RBFOX1: variants seen among roughly 807,000 people sequenced by gnomAD.
RBFOX1 encodes RNA binding fox-1 homolog 1, also known as RNA binding protein fox-1 homolog 1.
RBFOX1 carries 8 observed loss-of-function variants against 57.7 expected under a neutral mutation model. That is an observed-to-expected ratio of 0.14 (90% CI 0.08 to 0.25). The LOEUF is 0.25. RBFOX1 is among the 10% of genes least tolerant of loss of function. The pLI, the probability that RBFOX1 is intolerant of heterozygous loss-of-function variation, is 1.00. For synonymous variants in RBFOX1, 326 were observed against 222.4 expected (o/e 1.47, Z -4.15); for missense variants, 611 against 548.5 (o/e 1.11, Z -1.14).
intron 1 of RBFOX1, among the ~76,000 whole-genome samples, chr16:5,449,972 T>C (rs1473241591): frequency 6.6e-6 from 1 of 152,174 alleles, no homozygotes; most frequent in East Asian, 1.9e-4. Flanking sequence ...TCTACATGCA[T>C]TTAGTGGTGT....
At chr16:6,957,395 C>T (rs143262849) in intron 3 of RBFOX1, among the ~76,000 whole-genome samples, 37 of 147,292 alleles carry the variant, frequency 2.5e-4, no homozygotes, top group Admixed American at 2.7e-4. Context: ...TGCTGCGACT[C>T]ACGCTCAGCC....
At chr16:6,005,843 A>G (rs565093549) in intron 4 of RBFOX1, among the ~76,000 whole-genome samples, 14 of 152,328 alleles carry the variant, frequency 9.2e-5, no homozygotes, top group Admixed American at 2.6e-4. Context: ...TGAGTCAGGT[A>G]TATGGCTCAA....
chr16:6,719,189 C>G (rs8057381), intron 3 of RBFOX1, among the ~76,000 whole-genome samples: 14,722 of 151,866 alleles, frequency 0.097, 1,041 homozygotes, highest in African/African-American at 0.2. Flanking sequence ...TATTTCTATG[C>G]AAAAATGCTA....
At chr16:6,015,901 T>A (rs575586941), upstream of RBFOX1, among the ~76,000 whole-genome samples, 1 of 152,212 alleles carries the variant, frequency 6.6e-6, no homozygotes, top group Non-Finnish European at 1.5e-5. Context: ...AGTGCAGAAA[T>A]TGAGTCTAGT....
chr16:6,161,973 A>G (rs1445039682), intron 1 of RBFOX1, among the ~76,000 whole-genome samples: 3 of 152,340 alleles, frequency 2.0e-5, no homozygotes, highest in East Asian at 3.9e-4. Flanking sequence ...ACAGCCAACT[A>G]AGGGTACTTA....
chr16:6,559,122 T>C (rs1437189547), intron 2 of RBFOX1, among the ~76,000 whole-genome samples: 1 of 131,864 alleles, frequency 7.6e-6, no homozygotes, highest in African/African-American at 3.8e-5. Flanking sequence ...TGTGTGTGTG[T>C]GTGTGTGTGT....
At chr16:6,803,348 T>A (rs2085945576) in intron 3 of RBFOX1, among the ~76,000 whole-genome samples, 2 of 152,188 alleles carry the variant, frequency 1.3e-5, no homozygotes, top group African/African-American at 4.8e-5. Flanking sequence ...GCAGAAGTGT[T>A]GCCTCCAGCC....
chr16:7,597,111 T>C (rs1489252375), intron 8 of RBFOX1: 2 of 293,468 alleles, frequency 6.8e-6, no homozygotes, highest in East Asian at 6.4e-5. Flanking sequence ...TTTAATTTGC[T>C]TTTACTGTCC....
Position 6,301,846 on chromosome 16 carries a change from G to A in RBFOX1, c.-126-15149G>A, listed in dbSNP as rs183537950. 5.1e-4 allele frequency among the ~76,000 whole-genome samples: 77 copies of A among 152,178 alleles called. No homozygotes were observed. In the East Asian group the frequency reaches 0.011, roughly 22 times the overall value. ...TATCAGAATTATATGCAAGCATTTC[G>A]TGAAGCATCAGATATGCAGTATTTC... On this transcript the variant is annotated intron_variant, in intron 1 of 15. Transcript: ENST00000550418.
chr16:7,057,405 C>T (rs973916399), intron 4 of RBFOX1, among the ~76,000 whole-genome samples: 1 of 152,198 alleles, frequency 6.6e-6, no homozygotes, highest in African/African-American at 2.4e-5. Flanking sequence ...GTCTTTGTTT[C>T]TGTTTATGGG....
At chr16:7,225,053 A>T (rs992559924) in intron 4 of RBFOX1, among the ~76,000 whole-genome samples, 2 of 152,236 alleles carry the variant, frequency 1.3e-5, no homozygotes, top group African/African-American at 2.4e-5. Flanking sequence ...GAGTTAAATA[A>T]AGTGATATGT....
At chr16:7,603,448 C>G (rs2095141968) in intron 9 of RBFOX1, among the ~76,000 whole-genome samples, 1 of 152,030 alleles carries the variant, frequency 6.6e-6, no homozygotes, top group South Asian at 2.1e-4. Context: ...AAGAAAGAAG[C>G]TAAATCCAGA....
intron 3 of RBFOX1, among the ~76,000 whole-genome samples, chr16:6,770,510 A>C (rs1430567367): frequency 6.6e-6 from 1 of 152,210 alleles, no homozygotes; most frequent in South Asian, 2.1e-4. Flanking sequence ...ATAGCCCTGC[A>C]AGTCGAAAAT....
At chr16:6,047,465 T>C (rs1026300759) in intron 1 of RBFOX1, among the ~76,000 whole-genome samples, 5 of 152,212 alleles carry the variant, frequency 3.3e-5, no homozygotes, top group African/African-American at 1.2e-4. Flanking sequence ...AGAGGCCAGA[T>C]GCTATGTGAC....
rs986628203 is a variant in RBFOX1 at position 7,510,600 on chromosome 16, G to A, written c.28-7547G>A. On this transcript the variant is annotated intron_variant, in intron 4 of 15. Coordinates refer to ENST00000550418, the MANE Select transcript of RBFOX1 (RefSeq NM_018723.4). ...ACCAGCAGGTTAATGGTGTCCTTTT[G>A]CATTTTTCTTCTTTGTTTGAATGCC... 3.3e-5 allele frequency among the ~76,000 whole-genome samples: 5 copies of A among 152,084 alleles called. No homozygotes were observed. The South Asian group carries it at 1.0e-3, about 32-fold the overall frequency.
intron 2 of RBFOX1, among the ~76,000 whole-genome samples, chr16:6,613,767 T>C (rs2098103851): frequency 6.6e-6 from 1 of 152,082 alleles, no homozygotes; most frequent in African/African-American, 2.4e-5. Flanking sequence ...CGAAACCCCA[T>C]CTCTACTACA....
At chr16:6,004,800 T>G (rs1457069511) in intron 4 of RBFOX1, among the ~76,000 whole-genome samples, 1 of 152,210 alleles carries the variant, frequency 6.6e-6, no homozygotes, top group African/African-American at 2.4e-5. Flanking sequence ...ACATGCAGTG[T>G]AAATCATTCC....
chr16:7,037,537 T>A (rs145296874), intron 3 of RBFOX1, among the ~76,000 whole-genome samples: 1 of 152,168 alleles, frequency 6.6e-6, no homozygotes, highest in Admixed American at 6.6e-5. Context: ...TGTCAACTTA[T>A]GAAAAGAAGA....
intron 1 of RBFOX1, among the ~76,000 whole-genome samples, chr16:6,314,432 C>G (rs1199119520): frequency 2.6e-5 from 4 of 152,148 alleles, no homozygotes; most frequent in Admixed American, 2.6e-4. Flanking sequence ...TTCAGGCCCA[C>G]TGGAAGGGTC....
Sources: gnomAD v4.1 joint callset for allele counts (sites outside exome capture counted in the v4.1 genomes callset) on GRCh38, gnomAD v4.1.1 for gene constraint, MANE v1.5 for transcripts, NCBI Gene and HGNC (gene_info 2026-07-23, HGNC 2026-07-21) for gene names.